The following ELAPOR1 variants were observed in gnomAD, a reference collection of about 807,000 sequenced individuals.
The protein encoded by ELAPOR1 is endosome/lysosome-associated apoptosis and autophagy regulator 1.
ELAPOR1 carries 77 observed loss-of-function variants against 119.7 expected under a neutral mutation model. The observed-to-expected ratio is 0.64, with a 90% CI of 0.54 to 0.78. ELAPOR1 has a LOEUF of 0.78. Among genes scored for constraint, ELAPOR1 ranks in the 30% least tolerant of loss-of-function variants. The probability of loss-of-function intolerance (pLI) is 0.00; values close to 1 mark genes in which losing one functional copy is unlikely to be tolerated. For missense variants in ELAPOR1, 1,115 were observed against 1,270.4 expected (o/e 0.88, Z 1.86); for synonymous variants, 481 against 487.2 (o/e 0.99, Z 0.17).
intron 3 of ELAPOR1, among the ~76,000 whole-genome samples, chr1:109,165,069 T>C (rs1047178982): frequency 1.3e-5 from 2 of 152,090 alleles, no homozygotes; most frequent in African/African-American, 2.4e-5. Context: ...TGTGGGAGGA[T>C]TGCCTGAGGC....
intron 7 of ELAPOR1, among the ~76,000 whole-genome samples, chr1:109,177,200 C>T (rs1419025634): frequency 3.3e-5 from 5 of 150,152 alleles, no homozygotes; most frequent in Non-Finnish European, 1.5e-5. Context: ...AGGCGCCCCT[C>T]ACCTCCTGGA....
At chr1:109,162,521 G>A (rs1009943935) in intron 2 of ELAPOR1, among the ~76,000 whole-genome samples, 1 of 152,144 alleles carries the variant, frequency 6.6e-6, no homozygotes, top group African/African-American at 2.4e-5. Context: ...AATAGGAAAG[G>A]CAGTGGCTTG....
At chr1:109,183,311 C>A (rs1570701928) in intron 7 of ELAPOR1, among the ~76,000 whole-genome samples, 1 of 110,542 alleles carries the variant, frequency 9.0e-6, no homozygotes, top group Non-Finnish European at 1.7e-5. Context: ...GGCAACATAG[C>A]GAGACTCTGT....
intron 12 of ELAPOR1, 100 bp from the exon 13 acceptor site, chr1:109,191,626 G>T: frequency 6.6e-7 from 1 of 1,507,602 alleles, no homozygotes; most frequent in Non-Finnish European, 9.1e-7. Flanking sequence ...AGTTTAACAA[G>T]GGTCTCACCA....
rs189846457 is a variant in ELAPOR1 at position 109,143,126 on chromosome 1, T to C, written c.154-18768T>C. Among the ~76,000 whole-genome samples, 12 of 152,288 alleles carry C rather than the reference T, an allele frequency of 7.9e-5. No homozygotes were observed. In the East Asian group the frequency reaches 1.4e-3, roughly 17 times the overall value. On this transcript the variant is annotated intron_variant, in intron 1 of 21. Transcript: ENST00000369939. ...CACCATACCCTGCTAACTTTTGTAT[T>C]TTTAGTAGAGATAGGCTTTTGCCAT... is the stretch of plus-strand genomic sequence containing the variant.
Position 109,206,283 on chromosome 1 carries a change from G to A in ELAPOR1, c.*3271G>A, listed in dbSNP as rs932584561. On this transcript the variant is annotated 3_prime_UTR_variant, in exon 22 of 22. Coordinates refer to ENST00000369939, the MANE Select transcript of ELAPOR1 (RefSeq NM_020775.5). ...ACCCACCTCGGCCTCCCAAAGTGCT[G>A]GGATTACAGGTGTAAGCCACCGTGC... 2.0e-5 allele frequency: 3 copies of A among 152,224 alleles called. No homozygotes were observed. The highest frequency in any genetic ancestry group is 7.2e-5 in the African/African-American group (3 of 41,428). 9.4% of individuals were successfully genotyped at this position (152,224 alleles called of 1,614,324 possible). A position where few individuals can be genotyped will look rare whatever the true frequency, so the allele number is the denominator to read the frequency against.
At chr1:109,147,256 A>G (rs932614485) in intron 1 of ELAPOR1, among the ~76,000 whole-genome samples, 19 of 152,176 alleles carry the variant, frequency 1.2e-4, no homozygotes, top group African/African-American at 4.6e-4. Flanking sequence ...TAACACAATT[A>G]AACAGTTAGT....
At chr1:109,154,281 CAAAAAAAAAA>C (rs745938875) in intron 1 of ELAPOR1, among the ~76,000 whole-genome samples, 1 of 39,744 alleles carries the variant, frequency 2.5e-5, no homozygotes, top group South Asian at 8.4e-4. Flanking sequence ...AACTCCGTCT[CAAAAAAAAAA>C]AAAAAAAAAA....
intron 1 of ELAPOR1, among the ~76,000 whole-genome samples, chr1:109,119,103 G>T (rs999512501): frequency 6.6e-6 from 1 of 151,666 alleles, no homozygotes. Flanking sequence ...CATCATGTTG[G>T]CCAGGCTGGT....
intron 1 of ELAPOR1, among the ~76,000 whole-genome samples, chr1:109,115,016 T>C (rs916456817): frequency 6.6e-6 from 1 of 152,240 alleles, no homozygotes; most frequent in African/African-American, 2.4e-5. Flanking sequence ...TGCCAACCTC[T>C]AGTCTCCTTC....
intron 13 of ELAPOR1, 145 bp downstream of exon 13, chr1:109,192,008 A>C (rs1039543209): frequency 2.1e-6 from 2 of 958,140 alleles, no homozygotes; most frequent in African/African-American, 3.3e-5. Flanking sequence ...TGCCTAACCC[A>C]GCCCTCTGAG....
chr1:109,159,400 C>T (rs983225486), intron 1 of ELAPOR1, among the ~76,000 whole-genome samples: 4 of 152,136 alleles, frequency 2.6e-5, no homozygotes, highest in Non-Finnish European at 2.9e-5. Flanking sequence ...AAATGAAAGA[C>T]GATGAAAAGT....
intron 20 of ELAPOR1, 30 bp downstream of exon 20, chr1:109,200,267 T>C: frequency 6.2e-7 from 1 of 1,604,164 alleles, no homozygotes; most frequent in Non-Finnish European, 8.5e-7. Context: ...AGTGTGGGGA[T>C]GGACAGGGTT....
intron 2 of ELAPOR1, among the ~76,000 whole-genome samples, chr1:109,163,057 C>A (rs1651359479): frequency 6.6e-6 from 1 of 152,202 alleles, no homozygotes; most frequent in African/African-American, 2.4e-5. Flanking sequence ...GAGCGCAGAG[C>A]CTAGTGGGTG....
At chr1:109,132,663 A>T (rs1649220636) in intron 1 of ELAPOR1, among the ~76,000 whole-genome samples, 1 of 152,162 alleles carries the variant, frequency 6.6e-6, no homozygotes, top group Non-Finnish European at 1.5e-5. Context: ...CAGAAGTAAT[A>T]AGCCATGCAA....
chr1:109,183,341 A>C (rs1348823204), intron 7 of ELAPOR1, among the ~76,000 whole-genome samples: 9 of 47,050 alleles, frequency 1.9e-4, no homozygotes, highest in Non-Finnish European at 3.7e-4. Context: ...AAAAAAAAAA[A>C]AAAAAAACAA....
intron 1 of ELAPOR1, among the ~76,000 whole-genome samples, chr1:109,137,083 G>GT (rs568326323): frequency 7.0e-4 from 106 of 152,312 alleles, no homozygotes; most frequent in Middle Eastern, 3.4e-3. Context: ...ATTCTGTGGG[G>GT]TAAGGGAGCA....
chr1:109,198,026 C>A lies in ELAPOR1; in HGVS notation c.2350C>A (p.Leu784Ile). The A allele has an allele frequency of 6.2e-7, 1 of 1,614,112 alleles. No individual in the cohort carries two copies. Among genetic ancestry groups the A allele is most frequent in the Non-Finnish European group, 8.5e-7 (1 of 1,179,968 alleles). Residue 784 changes from leucine (L) to isoleucine (I), a missense_variant, in exon 17 of 22, where the codon CTT becomes ATT. Physicochemically the swap from Leu to Ile is conservative, Grantham distance 5 (BLOSUM62 2). Coordinates refer to ENST00000369939, the MANE Select transcript of ELAPOR1 (RefSeq NM_020775.5). ...GGATGGAATCACCTCCCCAGCTGAA[C>A]TTTTCCACCTGGAGTCCTTGGGAAT... The part of the protein sequence containing the change: ...TLDGITSPAE[L>I]FHLESLGIPD...
At chr1:109,139,079 G>A (rs557297661) in intron 1 of ELAPOR1, among the ~76,000 whole-genome samples, 4 of 152,122 alleles carry the variant, frequency 2.6e-5, no homozygotes, top group Non-Finnish European at 5.9e-5. Flanking sequence ...GGCTGGGCGC[G>A]GTGGCTCATG....
Sources: gnomAD v4.1 joint callset for allele counts (sites outside exome capture counted in the v4.1 genomes callset) on GRCh38, gnomAD v4.1.1 for gene constraint, MANE v1.5 for transcripts, NCBI Gene and HGNC (gene_info 2026-07-23, HGNC 2026-07-21) for gene names.